Variants in SIPA1L1 observed in about 807,000 individuals in gnomAD.
The protein encoded by SIPA1L1 is signal induced proliferation associated 1 like 1, also known as signal-induced proliferation-associated 1-like protein 1.
Under a neutral mutation model 162.7 loss-of-function variants are expected in SIPA1L1, and 26 were observed. That is an observed-to-expected ratio of 0.16 (90% CI 0.12 to 0.22). The LOEUF is 0.22. SIPA1L1 is among the 10% of genes least tolerant of loss of function. SIPA1L1 has a pLI of 1.00. For synonymous variants in SIPA1L1, 829 were observed against 837.4 expected, an observed-to-expected ratio of 0.99 and a Z score of 0.17; for missense variants, 1,874 against 2,241.0, an observed-to-expected ratio of 0.84 and a Z score of 3.31.
At chr14:71,693,725 T>C (rs1415064868) in intron 13 of SIPA1L1, among the ~76,000 whole-genome samples, 2 of 150,638 alleles carry the variant, frequency 1.3e-5, no homozygotes, top group Non-Finnish European at 3.0e-5. Context: ...TTCTTTTCTT[T>C]TTTTTTTTTT....
rs758876221 is a variant in SIPA1L1 at position 71,588,385 on chromosome 14, C to G, written c.513C>G (p.Arg171=). ...SSPRKALRRI[R]QRSNSDITIS... ...CCAGAAAAGCTCTTCGCAGAATACG[C>G]CAGCGAAGCAACAGTGATATCACCA... Residue 171 remains arginine, a synonymous_variant, in exon 5 of 24, where the codon CGC becomes CGG. Coordinates refer to ENST00000381232, the MANE Select transcript of SIPA1L1 (RefSeq NM_001386936.1). This position sits in a 1 kb window ranked among gnomAD's most constrained non-coding sequence, Gnocchi z 4.3. The G allele has an allele frequency of 1.7e-5, 28 of 1,613,880 alleles. No individual in the cohort carries two copies. Among genetic ancestry groups the G allele is most frequent in the Non-Finnish European group, 2.0e-5 (24 of 1,179,980 alleles).
At chr14:71,566,665 T>C (rs1170492390) in intron 4 of SIPA1L1, among the ~76,000 whole-genome samples, 1 of 152,202 alleles carries the variant, frequency 6.6e-6, no homozygotes, top group Non-Finnish European at 1.5e-5. Context: ...GACAGTATGA[T>C]AAAAATATAT....
chr14:71,519,750 T>C (rs1258026848), intron 3 of SIPA1L1, among the ~76,000 whole-genome samples: 1 of 152,018 alleles, frequency 6.6e-6, no homozygotes, highest in Non-Finnish European at 1.5e-5. Context: ...GATTATTGCT[T>C]GAGCCCAGGA....
At chr14:71,648,332 A>G (rs939409784) in intron 7 of SIPA1L1, among the ~76,000 whole-genome samples, 21 of 152,154 alleles carry the variant, frequency 1.4e-4, no homozygotes, top group African/African-American at 3.4e-4. Context: ...CCTCCTGTCT[A>G]TGCACAATGC....
chr14:71,493,252 C>T (rs980726064), intron 2 of SIPA1L1, among the ~76,000 whole-genome samples: 3 of 152,052 alleles, frequency 2.0e-5, no homozygotes, highest in East Asian at 1.9e-4. Flanking sequence ...AAACCCTCCA[C>T]GCCCCCAGTT....
At chr14:71,360,894 ATTG>A (rs1368578660) in intron 2 of SIPA1L1, among the ~76,000 whole-genome samples, 1 of 152,154 alleles carries the variant, frequency 6.6e-6, no homozygotes, top group Non-Finnish European at 1.5e-5. Context: ...TTAAGAAAGG[ATTG>A]TTATTTATGC....
intron 13 of SIPA1L1, among the ~76,000 whole-genome samples, chr14:71,690,146 C>T (rs2081152550): frequency 6.6e-6 from 1 of 152,154 alleles, no homozygotes. Flanking sequence ...ATCACAGCTT[C>T]GTGCCTTGCC....
chr14:71,496,803 C>T (rs1298471980), intron 2 of SIPA1L1, among the ~76,000 whole-genome samples: 1 of 152,146 alleles, frequency 6.6e-6, no homozygotes, highest in Non-Finnish European at 1.5e-5. Context: ...TCACTGATGA[C>T]CCTTTTATCA....
At chr14:71,456,046 ATTTTAT>A (rs1219687564) in intron 2 of SIPA1L1, among the ~76,000 whole-genome samples, 1 of 152,200 alleles carries the variant, frequency 6.6e-6, no homozygotes, top group African/African-American at 2.4e-5. Flanking sequence ...AACGTAAATT[ATTTTAT>A]TTCACATGCA....
chr14:71,434,674 GC>G (rs1437680294), intron 2 of SIPA1L1, among the ~76,000 whole-genome samples: 1 of 152,098 alleles, frequency 6.6e-6, no homozygotes, highest in African/African-American at 2.4e-5. Context: ...GAACTCCTGG[GC>G]TCAAGCGATC....
At chr14:71,732,549 C>G (rs566423366) in intron 20 of SIPA1L1, among the ~76,000 whole-genome samples, 2 of 152,246 alleles carry the variant, frequency 1.3e-5, no homozygotes, top group South Asian at 4.2e-4. Context: ...CTCACTCTGC[C>G]CAGTCCTCCC....
chr14:71,424,017 T>C (rs965723610), intron 2 of SIPA1L1, among the ~76,000 whole-genome samples: 1 of 152,166 alleles, frequency 6.6e-6, no homozygotes, highest in African/African-American at 2.4e-5. Context: ...TTTCACTTCC[T>C]TGTTTAATTC....
chr14:71,724,976 C>G (rs2084094217), intron 19 of SIPA1L1, 141 bp downstream of exon 19: 1 of 714,348 alleles, frequency 1.4e-6, no homozygotes, highest in Non-Finnish European at 2.3e-6. Context: ...CATCCCATTT[C>G]CCTGATAACT....
At chr14:71,512,957 C>G (rs937408133) in intron 3 of SIPA1L1, 112 bp downstream of exon 3, 5 of 152,340 alleles carry the variant, frequency 3.3e-5, no homozygotes, top group African/African-American at 1.2e-4. Flanking sequence ...GACTTTGAAT[C>G]CACCTGAGAC....
intron 2 of SIPA1L1, among the ~76,000 whole-genome samples, chr14:71,402,633 G>A (rs554658036): frequency 6.6e-6 from 1 of 152,272 alleles, no homozygotes; most frequent in South Asian, 2.1e-4. Flanking sequence ...ACAGGCATGA[G>A]TCACTGTTCC....
At chr14:71,674,570 G>GTTTTTTTTTTT (rs146359962) in intron 12 of SIPA1L1, among the ~76,000 whole-genome samples, 1 of 114,210 alleles carries the variant, frequency 8.8e-6, no homozygotes, top group Non-Finnish European at 1.9e-5. Flanking sequence ...GTTTTTTTTT[G>GTTTTTTTTTTT]TTTTTTTTTT....
chr14:71,405,757 T>A (rs568022369), intron 2 of SIPA1L1, among the ~76,000 whole-genome samples: 1 of 152,330 alleles, frequency 6.6e-6, no homozygotes, highest in East Asian at 1.9e-4. Context: ...GCTACTGCTG[T>A]AATGATGTCT....
intron 3 of SIPA1L1, among the ~76,000 whole-genome samples, chr14:71,519,261 T>C (rs930521515): frequency 6.6e-6 from 1 of 151,990 alleles, no homozygotes; most frequent in Non-Finnish European, 1.5e-5. Context: ...ATTGCACCAC[T>C]GCACTTCAGC....
chr14:71,606,581 A>G (rs117416874), intron 5 of SIPA1L1, among the ~76,000 whole-genome samples: 209 of 152,210 alleles, frequency 1.4e-3, no homozygotes, highest in Non-Finnish European at 2.5e-3. Context: ...CACGGTTTCC[A>G]GGCATCTCCT....
Sources: gnomAD v4.1 joint callset for allele counts (sites outside exome capture counted in the v4.1 genomes callset) on GRCh38, gnomAD v4.1.1 for gene constraint, Gnocchi (gnomAD v3.1) non-coding constraint, MANE v1.5 for transcripts, NCBI Gene and HGNC (gene_info 2026-07-23, HGNC 2026-07-21) for gene names.